CAPSL: variants seen among roughly 807,000 people sequenced by gnomAD.
CAPSL encodes the protein calcyphosin-like protein.
A neutral mutation model predicts 21.3 loss-of-function variants in CAPSL; 17 were observed. The observed-to-expected ratio is 0.80, with a 90% CI of 0.55 to 1.20. CAPSL has a LOEUF of 1.20. CAPSL is among the 50% of genes most tolerant of loss of function. The probability of loss-of-function intolerance (pLI) is 0.00; values close to 1 mark genes in which losing one functional copy is unlikely to be tolerated. For missense variants in CAPSL, 289 were observed against 259.3 expected (o/e 1.11, Z -0.79); for synonymous variants, 102 against 89.3 (o/e 1.14, Z -0.80).
At chr5:35,907,053 C>T (rs535874264) in intron 4 of CAPSL, among the ~76,000 whole-genome samples, 6 of 152,148 alleles carry the variant, frequency 3.9e-5, no homozygotes, top group South Asian at 2.1e-4. Flanking sequence ...TGTTGGTTAG[C>T]AATAATCACT....
intron 2 of CAPSL, among the ~76,000 whole-genome samples, chr5:35,915,692 G>A (rs573671664): frequency 6.6e-6 from 1 of 152,114 alleles, no homozygotes; most frequent in Non-Finnish European, 1.5e-5. Flanking sequence ...AACAAATTAG[G>A]TATTGATGGG....
chr5:35,925,338 C>T (rs373133933), intron 1 of CAPSL, among the ~76,000 whole-genome samples: 22 of 152,224 alleles, frequency 1.4e-4, no homozygotes, highest in African/African-American at 4.8e-4. Context: ...AAACTTTCAT[C>T]CTAATGGAAG....
intron 1 of CAPSL, among the ~76,000 whole-genome samples, chr5:35,928,369 A>G (rs1738736552): frequency 6.6e-6 from 1 of 152,218 alleles, no homozygotes; most frequent in Non-Finnish European, 1.5e-5. Context: ...GGAAGTGAAT[A>G]AATAGTGATG....
chr5:35,914,421 A>G (rs1738315877), intron 2 of CAPSL, among the ~76,000 whole-genome samples: 1 of 152,182 alleles, frequency 6.6e-6, no homozygotes, highest in Admixed American at 6.5e-5. Context: ...TTTCAGCACC[A>G]CACCACACCT....
intron 1 of CAPSL, among the ~76,000 whole-genome samples, chr5:35,933,298 A>G (rs1477680797): frequency 6.6e-6 from 1 of 152,198 alleles, no homozygotes; most frequent in Admixed American, 6.5e-5. Context: ...GTCTGGTATA[A>G]AATAAGTCTT....
chr5:35,926,574 T>A (rs530581014), intron 1 of CAPSL, among the ~76,000 whole-genome samples: 1 of 152,314 alleles, frequency 6.6e-6, no homozygotes, highest in African/African-American at 2.4e-5. Context: ...GAGACAGATT[T>A]AAGAGGACCC....
chr5:35,928,073 C>A (rs1738729046), intron 1 of CAPSL, among the ~76,000 whole-genome samples: 1 of 152,172 alleles, frequency 6.6e-6, no homozygotes, highest in African/African-American at 2.4e-5. Context: ...AAGGACTATT[C>A]TCTCGGCCTT....
At chr5:35,930,991 G>A (rs1738806617) in intron 1 of CAPSL, among the ~76,000 whole-genome samples, 1 of 152,160 alleles carries the variant, frequency 6.6e-6, no homozygotes, top group Non-Finnish European at 1.5e-5. Context: ...GAAGGGCCAA[G>A]GGAATCATAT....
chr5:35,935,748 C>T (rs1323511669), intron 1 of CAPSL, among the ~76,000 whole-genome samples: 1 of 152,142 alleles, frequency 6.6e-6, no homozygotes, highest in Non-Finnish European at 1.5e-5. Context: ...TCACCCCAGC[C>T]ATTACCTACC....
chr5:35,925,057 G>A (rs755590149), intron 1 of CAPSL, among the ~76,000 whole-genome samples: 1 of 152,262 alleles, frequency 6.6e-6, no homozygotes, highest in Non-Finnish European at 1.5e-5. Context: ...AAGAGGCTGC[G>A]CTCCCGACGC....
At position 35,936,921 on chromosome 5, in the gene CAPSL, C is replaced by A. The variant is rs16902637; in HGVS notation, c.-1+1620G>T. Among the ~76,000 whole-genome samples the A allele has an allele frequency of 6.9e-3, 1,049 of 152,296 alleles. 17 individuals carry two copies. Among genetic ancestry groups the A allele is most frequent in the African/African-American group, 0.024 (991 of 41,566 alleles). On this transcript the variant is annotated intron_variant, in intron 1 of 4. Coordinates refer to ENST00000651391, the MANE Select transcript of CAPSL (RefSeq NM_001042625.2). Reference sequence around the variant, plus strand: ...CACTTTCAGTTTAATGTTCCAGAGCCAAATTCATTACCTATCTTCCTTACT... The same window carrying A: ...CACTTTCAGTTTAATGTTCCAGAGCAAAATTCATTACCTATCTTCCTTACT...
intron 4 of CAPSL, 151 bp downstream of exon 4, chr5:35,909,715 G>A (rs559075091): frequency 3.4e-5 from 23 of 678,744 alleles, no homozygotes; most frequent in Admixed American, 9.6e-5. Flanking sequence ...TGGCAATGGA[G>A]AAGTTTCTAG....
At position 35,921,092 on chromosome 5, in the gene CAPSL, T is replaced by C; in HGVS notation, c.29A>G (p.Glu10Gly). ...CTTTTTCTTGGCCTGGATCGCCATCTCTCGGTCATGGCGCGCTGTCCCTGC... is the reference window on the plus strand; with the variant it reads ...CTTTTTCTTGGCCTGGATCGCCATCCCTCGGTCATGGCGCGCTGTCCCTGC... Reference protein sequence around the residue: MAGTARHDREMAIQAKKKLT... With the variant: MAGTARHDRGMAIQAKKKLT... The change falls in exon 2 of 5, where the codon GAG becomes GGG. Residue 10 changes from glutamate (E) to glycine (G), a missense_variant. Physicochemically the swap from Glu to Gly is moderately conservative, Grantham distance 98. Coordinates refer to ENST00000651391, the MANE Select transcript of CAPSL (RefSeq NM_001042625.2). 6.2e-7 allele frequency: 1 copy of C among 1,614,050 alleles called. No homozygotes were observed. Among genetic ancestry groups the C allele is most frequent in the Non-Finnish European group, 8.5e-7 (1 of 1,180,032 alleles).
At chr5:35,928,617 C>A (rs969000827) in intron 1 of CAPSL, among the ~76,000 whole-genome samples, 1 of 151,964 alleles carries the variant, frequency 6.6e-6, no homozygotes, top group African/African-American at 2.4e-5. Context: ...TGGGTACAAT[C>A]CCCCCCACCC....
intron 2 of CAPSL, among the ~76,000 whole-genome samples, chr5:35,917,758 C>G (rs971235835): frequency 6.6e-6 from 1 of 152,110 alleles, no homozygotes; most frequent in Non-Finnish European, 1.5e-5. Flanking sequence ...GAAGATATAC[C>G]TAATGCTAAA....
At chr5:35,909,832 A>G (rs774615759) in intron 4 of CAPSL, 34 bp downstream of exon 4, 2 of 1,554,356 alleles carry the variant, frequency 1.3e-6, no homozygotes, top group African/African-American at 1.4e-5. Flanking sequence ...TTCGAATTGA[A>G]GAAATTTCCC....
At chr5:35,925,356 T>C (rs1169494582) in intron 1 of CAPSL, among the ~76,000 whole-genome samples, 1 of 152,186 alleles carries the variant, frequency 6.6e-6, no homozygotes, top group Non-Finnish European at 1.5e-5. Flanking sequence ...AAGGTGGTAG[T>C]TATCGAGGCT....
intron 1 of CAPSL, among the ~76,000 whole-genome samples, chr5:35,922,799 C>T (rs376995823): frequency 7.0e-4 from 106 of 152,294 alleles, no homozygotes; most frequent in African/African-American, 2.5e-3. Flanking sequence ...GCTGACAATT[C>T]CCAGAGCTCG....
chr5:35,909,741 A>C, intron 4 of CAPSL, 125 bp downstream of exon 4: 1 of 819,594 alleles, frequency 1.2e-6, no homozygotes, highest in East Asian at 2.5e-5. Context: ...TCCTAGGGAA[A>C]TAGTTTACTT....
Sources: allele counts gnomAD v4.1 joint callset (sites outside exome capture counted in the v4.1 genomes callset), GRCh38; gene constraint gnomAD v4.1.1; transcripts MANE v1.5; gene names NCBI Gene and HGNC (gene_info 2026-07-23, HGNC 2026-07-21).